ZDHHC15: variants seen among roughly 807,000 people sequenced by gnomAD.
The protein encoded by ZDHHC15 is zDHHC palmitoyltransferase 15.
A neutral mutation model predicts 31.7 loss-of-function variants in ZDHHC15; 19 were observed. That is an observed-to-expected ratio of 0.60 (90% confidence interval 0.42 to 0.88). The LOEUF is 0.88. ZDHHC15 is among the 40% of genes least tolerant of loss of function. The pLI, the probability that ZDHHC15 is intolerant of heterozygous loss-of-function variation, is 0.00. For synonymous variants in ZDHHC15, 103 were observed against 90.0 expected, an observed-to-expected ratio of 1.14 and a Z score of -0.82; for missense variants, 209 against 251.2, an observed-to-expected ratio of 0.83 and a Z score of 1.14.
At chrX:75,430,106 A>G in intron 5 of ZDHHC15, 126 bp from the exon 6 acceptor site, 1 of 682,821 alleles carries the variant, frequency 1.5e-6, no homozygotes, top group Non-Finnish European at 2.2e-6. Flanking sequence ...TCAGATTTCC[A>G]CTATAGTGAC....
rs192547273 is a variant in ZDHHC15 at position 75,382,470 on chromosome X, C to A, written c.968-3272G>T. Among the ~76,000 whole-genome samples the A allele has an allele frequency of 8.0e-3, 894 of 111,525 alleles. 11 individuals are homozygous for A. The highest frequency in any genetic ancestry group is 0.027 in the African/African-American group (826 of 30,719). On this transcript the variant is annotated intron_variant, in intron 10 of 11. Coordinates refer to ENST00000373367, the MANE Select transcript of ZDHHC15 (RefSeq NM_144969.3). ...ACCCAAAGGAGTACCCTTCTATAAC[C>A]CAGTGTATTGTGTTTGATGTTTTCA...
At chrX:75,478,206 G>A (rs2084635988) in intron 3 of ZDHHC15, among the ~76,000 whole-genome samples, 1 of 111,649 alleles carries the variant, frequency 9.0e-6, no homozygotes, top group Non-Finnish European at 1.9e-5. Context: ...TTTAACTATT[G>A]TGCTTTTTTC....
intron 11 of ZDHHC15, among the ~76,000 whole-genome samples, chrX:75,374,539 T>C (rs1219594727): frequency 9.1e-6 from 1 of 110,321 alleles, no homozygotes; most frequent in Non-Finnish European, 1.9e-5. Flanking sequence ...TCCTTGGTAC[T>C]TACCCAAGCA....
chrX:75,477,369 G>A (rs2084622048), intron 3 of ZDHHC15, among the ~76,000 whole-genome samples: 1 of 111,576 alleles, frequency 9.0e-6, no homozygotes, highest in Admixed American at 9.6e-5. Context: ...GTTACATGTA[G>A]CTGGTTTGGT....
chrX:75,393,345 G>C (rs751699842), intron 10 of ZDHHC15, among the ~76,000 whole-genome samples: 1 of 111,379 alleles, frequency 9.0e-6, no homozygotes, highest in East Asian at 2.8e-4. Context: ...TTGAGACTCA[G>C]TATCTGCTTC....
intron 3 of ZDHHC15, among the ~76,000 whole-genome samples, chrX:75,460,763 C>G (rs1201873563): frequency 9.0e-6 from 1 of 111,379 alleles, no homozygotes; most frequent in African/African-American, 3.3e-5. Flanking sequence ...ACAGAAAAGA[C>G]CCCACAAAAA....
chrX:75,508,064 T>G lies in ZDHHC15; in HGVS notation c.137-2217A>C, dbSNP rs907297409. ...TAGTTTAAATTTTCTAGTAGGAACA[T>G]TTTTTAAAAAGTTAAAGAATGCCAA... On this transcript the variant is annotated intron_variant, in intron 1 of 11. Coordinates refer to ENST00000373367, the MANE Select transcript of ZDHHC15 (RefSeq NM_144969.3). Among the ~76,000 whole-genome samples, 5 of 111,328 alleles carry G rather than the reference T, an allele frequency of 4.5e-5. No individual in the cohort carries two copies. The South Asian group carries it at 1.9e-3, about 42-fold the overall frequency.
At chrX:75,457,169 C>G (rs1205052456) in intron 3 of ZDHHC15, among the ~76,000 whole-genome samples, 6 of 111,065 alleles carry the variant, frequency 5.4e-5, no homozygotes, top group African/African-American at 1.6e-4. Context: ...TTGCATTAGT[C>G]TATTCTTGCA....
intron 4 of ZDHHC15, among the ~76,000 whole-genome samples, chrX:75,444,687 T>TATATACACACAC (rs2084007375): frequency 3.4e-5 from 1 of 29,494 alleles, no homozygotes; most frequent in Non-Finnish European, 5.4e-5. Flanking sequence ...TATATATATA[T>TATATACACACAC]ACACACACAC....
chrX:75,414,578 C>T (rs1804038894), intron 10 of ZDHHC15, among the ~76,000 whole-genome samples: 1 of 95,089 alleles, frequency 1.1e-5, no homozygotes, highest in Non-Finnish European at 2.1e-5. Context: ...TACAGGTGCC[C>T]GCAACCACGT....
At chrX:75,452,971 G>T (rs990886352) in intron 3 of ZDHHC15, among the ~76,000 whole-genome samples, 1 of 111,697 alleles carries the variant, frequency 9.0e-6, no homozygotes, top group Admixed American at 9.6e-5. Context: ...GCAATTAAAA[G>T]AACTAGAGAA....
chrX:75,444,009 C>T lies in ZDHHC15; in HGVS notation c.379+6793G>A, dbSNP rs749774517. 1.5e-4 allele frequency among the ~76,000 whole-genome samples: 17 copies of T among 110,446 alleles called. No homozygotes were observed. In the South Asian group the frequency reaches 2.0e-3, roughly 13 times the overall value. Reference sequence around the variant, plus strand: ...ATGTGGAGAAATAGGAACACTTTTACACTGTTGGTGGGACTGTAAACTAGT... The same window carrying T: ...ATGTGGAGAAATAGGAACACTTTTATACTGTTGGTGGGACTGTAAACTAGT... On this transcript the variant is annotated intron_variant, in intron 4 of 11. Coordinates refer to ENST00000373367, the MANE Select transcript of ZDHHC15 (RefSeq NM_144969.3).
chrX:75,419,008 G>C, intron 9 of ZDHHC15, among the ~76,000 whole-genome samples: 1 of 112,239 alleles, frequency 8.9e-6, no homozygotes, highest in East Asian at 2.8e-4. Flanking sequence ...ACTCTCATTA[G>C]AGTGAAGAGG....
At chrX:75,455,447 C>T (rs751512560) in intron 3 of ZDHHC15, among the ~76,000 whole-genome samples, 83 of 111,754 alleles carry the variant, frequency 7.4e-4, no homozygotes, top group South Asian at 2.6e-3. Flanking sequence ...CCATCCAGGA[C>T]GTAGGCATGG....
At chrX:75,501,705 T>A (rs1003700983) in intron 2 of ZDHHC15, 4 of 111,146 alleles carry the variant, frequency 3.6e-5, no homozygotes, top group Non-Finnish European at 5.7e-5. Flanking sequence ...TGAGTGATAT[T>A]GAGCTTTTAT....
rs182658583 is a variant in ZDHHC15 at position 75,427,010 on chromosome X, A to T, written c.603+2068T>A. ...TAAGGGGTATGAAAGTGCTTCAAAA[A>T]CTGTAAAGTACCATACAAATGAAGG... On this transcript the variant is annotated intron_variant, in intron 7 of 11. Coordinates refer to ENST00000373367, the MANE Select transcript of ZDHHC15 (RefSeq NM_144969.3). 6.2e-4 allele frequency among the ~76,000 whole-genome samples: 69 copies of T among 111,902 alleles called. 1 individual carries two copies. Among genetic ancestry groups the T allele is most frequent in the Middle Eastern group, 9.2e-3 (2 of 217 alleles).
intron 3 of ZDHHC15, among the ~76,000 whole-genome samples, chrX:75,457,645 TCACA>T (rs35992807): frequency 0.02 from 1,837 of 93,856 alleles, 34 homozygotes; most frequent in African/African-American, 0.052. Flanking sequence ...TTATTTACAC[TCACA>T]CACACACACA....
chrX:75,494,060 A>T (rs1283329385), intron 2 of ZDHHC15, among the ~76,000 whole-genome samples: 1 of 111,883 alleles, frequency 8.9e-6, no homozygotes, highest in Non-Finnish European at 1.9e-5. Flanking sequence ...AAATCTCCTT[A>T]AACTGATAGG....
chrX:75,407,343 C>T (rs1452292384), intron 10 of ZDHHC15, among the ~76,000 whole-genome samples: 6 of 112,038 alleles, frequency 5.4e-5, no homozygotes, highest in Admixed American at 2.8e-4. Flanking sequence ...GCAGCCACCC[C>T]GTCTGGGAAG....
Sources: gnomAD v4.1 joint callset for allele counts (sites outside exome capture counted in the v4.1 genomes callset) on GRCh38, gnomAD v4.1.1 for gene constraint, MANE v1.5 for transcripts, NCBI Gene and HGNC (gene_info 2026-07-23, HGNC 2026-07-21) for gene names.